EVI5: variants seen among roughly 807,000 people sequenced by gnomAD.
EVI5 encodes ecotropic viral integration site 5 protein homolog.
Under a neutral mutation model 112.0 loss-of-function variants are expected in EVI5, and 73 were observed. That is an observed-to-expected ratio of 0.65 (90% CI 0.54 to 0.79). The LOEUF (loss-of-function observed/expected upper bound fraction) is 0.79. Ranked by LOEUF, EVI5 falls within the 30% of genes least tolerant of loss-of-function variation. The probability of loss-of-function intolerance (pLI) is 0.00; values close to 1 mark genes in which losing one functional copy is unlikely to be tolerated. For missense variants in EVI5, 900 were observed against 968.8 expected, an observed-to-expected ratio of 0.93 and a Z score of 0.94; for synonymous variants, 305 against 319.9, an observed-to-expected ratio of 0.95 and a Z score of 0.50.
intron 13 of EVI5, among the ~76,000 whole-genome samples, chr1:92,661,658 T>C (rs1183232176): frequency 1.3e-5 from 2 of 152,008 alleles, no homozygotes; most frequent in Non-Finnish European, 2.9e-5. Context: ...ATTTTGTCAC[T>C]CTCCTATTCA....
intron 1 of EVI5, among the ~76,000 whole-genome samples, chr1:92,744,594 TCTCTCTCACACA>T (rs1402589290): frequency 0.016 from 2,175 of 133,896 alleles, 41 homozygotes; most frequent in African/African-American, 0.056. Context: ...TATCTCTCTC[TCTCTCTCACACA>T]CACACACACA....
At chr1:92,586,159 T>C (rs1672741856) in intron 18 of EVI5, among the ~76,000 whole-genome samples, 1 of 152,334 alleles carries the variant, frequency 6.6e-6, no homozygotes, top group South Asian at 2.1e-4. Context: ...TTATGACTGT[T>C]GATGGTAATC....
chr1:92,518,623 GA>G (rs1264053962), intron 19 of EVI5, among the ~76,000 whole-genome samples: 1 of 147,248 alleles, frequency 6.8e-6, no homozygotes, highest in Non-Finnish European at 1.5e-5. Flanking sequence ...GAGAAGCCGG[GA>G]AAAAACTCAG....
At chr1:92,588,646 A>G (rs1018108747) in intron 18 of EVI5, among the ~76,000 whole-genome samples, 3 of 152,212 alleles carry the variant, frequency 2.0e-5, no homozygotes, top group Non-Finnish European at 4.4e-5. Context: ...TTCTACCATA[A>G]AGCTCAATGA....
At chr1:92,579,283 G>A (rs1671568899) in intron 18 of EVI5, among the ~76,000 whole-genome samples, 1 of 152,048 alleles carries the variant, frequency 6.6e-6, no homozygotes, top group Admixed American at 6.6e-5. Flanking sequence ...CCTATGAAGA[G>A]TTTATTTTGC....
chr1:92,583,510 CAAAAAAAAAA>C (rs71091290), intron 18 of EVI5, among the ~76,000 whole-genome samples: 4 of 55,386 alleles, frequency 7.2e-5, no homozygotes, highest in African/African-American at 1.6e-4. Context: ...GGCTCTGTCT[CAAAAAAAAAA>C]AAAAAAAAAA....
rs189027679 is a variant in EVI5, at chr1:92,527,708, T to C, written c.2167-13738A>G. On this transcript the variant is annotated intron_variant, in intron 19 of 19. Transcript: ENST00000684568. The stretch of plus-strand genomic sequence containing the variant: ...CATCACACAATAGTTTTGTCTATTC[T>C]TGTATTTAATATAAAGGATTATATG... Among the ~76,000 whole-genome samples, 421 of 152,312 alleles carry C rather than the reference T, an allele frequency of 2.8e-3. 6 individuals carry two copies. Among genetic ancestry groups the C allele is most frequent in the African/African-American group, 9.8e-3 (408 of 41,570 alleles).
At position 92,508,779 on chromosome 1, in the gene EVI5, A is replaced by G. The variant is rs199778217; in HGVS notation, c.*4877T>C. ...GTTATCATACAATGTTACAATAAAA[A>G]ATTCCAATAGCAAAATGAAACACAT... On this transcript the variant is annotated 3_prime_UTR_variant, in exon 20 of 20. Transcript: ENST00000684568. The G allele has an allele frequency of 6.6e-6, 1 of 152,642 alleles. No individual in the cohort carries two copies. The highest frequency in any genetic ancestry group is 1.5e-5 in the Non-Finnish European group (1 of 68,040). 9.5% of individuals were successfully genotyped at this position (152,642 alleles called of 1,614,324 possible).
At chr1:92,733,087 C>G in intron 2 of EVI5, 1 of 219,136 alleles carries the variant, frequency 4.6e-6, no homozygotes, top group South Asian at 7.9e-5. Context: ...AAATTAACAG[C>G]TAAGAAATTA....
chr1:92,600,171 T>C (rs1024225647), intron 18 of EVI5, among the ~76,000 whole-genome samples: 6 of 152,194 alleles, frequency 3.9e-5, no homozygotes, highest in Admixed American at 2.0e-4. Flanking sequence ...TTTTGAAAGA[T>C]TGAAGAGTTG....
intron 19 of EVI5, among the ~76,000 whole-genome samples, chr1:92,543,268 T>C (rs1343896863): frequency 6.6e-6 from 1 of 152,254 alleles, no homozygotes. Flanking sequence ...ACTTGCTACT[T>C]CACCTTGTAC....
Position 92,566,042 on chromosome 1 carries a change from G to GTTAAC in EVI5, c.2071-2310_2071-2306dup, listed in dbSNP as rs1244830922. Among the ~76,000 whole-genome samples the GTTAAC allele has an allele frequency of 3.3e-5, 5 of 150,204 alleles. No homozygotes were observed. The East Asian group carries it at 7.8e-4, about 23-fold the overall frequency. Reference sequence around the variant, plus strand: ...CTTTCCAACAACACTGCTGTTCTGTGTTAACTGTCCTCCCTACCCAAATTG... The same window carrying GTTAAC: ...CTTTCCAACAACACTGCTGTTCTGTGTTAACTTAACTGTCCTCCCTACCCAAATTG... On this transcript the variant is annotated intron_variant, in intron 18 of 19. Coordinates refer to ENST00000684568, the MANE Select transcript of EVI5 (RefSeq NM_001350197.2).
chr1:92,527,429 A>AAAG (rs1553169687), intron 19 of EVI5, among the ~76,000 whole-genome samples: 7,416 of 134,672 alleles, frequency 0.055, 490 homozygotes, highest in African/African-American at 0.085. Flanking sequence ...AAAAAAAAAA[A>AAAG]AAAAGAAAAA....
rs566986526 is a variant in EVI5, at chr1:92,513,883, C to G, written c.2254G>C (p.Glu752Gln). 4.8e-5 allele frequency: 78 copies of G among 1,612,446 alleles called. No individual in the cohort carries two copies. The South Asian group carries it at 8.0e-4, about 17-fold the overall frequency. The change falls in exon 20 of 20, where the codon GAA (glutamate) becomes CAA (glutamine). Residue 752 changes from glutamate (E) to glutamine (Q), a missense_variant. Transcript: ENST00000684568. ...HIVNHLIGDD[E>Q]SFHSSDEDFI... ...TCTTCATCGGAGGAATGGAATGATT[C>G]ATCATCTCCTATTAAATGGTTGACA...
chr1:92,782,675 C>T (rs1685015855), intron 1 of EVI5, among the ~76,000 whole-genome samples: 1 of 152,088 alleles, frequency 6.6e-6, no homozygotes, highest in East Asian at 1.9e-4. Context: ...GGAAAATGTT[C>T]AACAATTTCT....
chr1:92,679,563 G>C (rs891522698), intron 9 of EVI5, among the ~76,000 whole-genome samples: 2 of 152,066 alleles, frequency 1.3e-5, no homozygotes, highest in African/African-American at 4.8e-5. Flanking sequence ...TTTACAAAAA[G>C]ATTGTGAAGA....
At chr1:92,576,525 G>A (rs943069708) in intron 18 of EVI5, among the ~76,000 whole-genome samples, 2 of 150,496 alleles carry the variant, frequency 1.3e-5, no homozygotes, top group Non-Finnish European at 3.0e-5. Flanking sequence ...TTGATAAAAT[G>A]TATCAAGAGA....
chr1:92,608,778 C>T (rs538112116), intron 16 of EVI5, among the ~76,000 whole-genome samples: 5 of 151,872 alleles, frequency 3.3e-5, no homozygotes, highest in South Asian at 2.1e-4. Context: ...TCACACAATA[C>T]GGCATATGTG....
At chr1:92,757,113 G>T (rs1181534889) in intron 1 of EVI5, among the ~76,000 whole-genome samples, 1 of 152,184 alleles carries the variant, frequency 6.6e-6, no homozygotes, top group Non-Finnish European at 1.5e-5. Context: ...CTTTCAATAT[G>T]CCATGAACAC....
Sources: gnomAD v4.1 joint callset for allele counts (sites outside exome capture counted in the v4.1 genomes callset) on GRCh38, gnomAD v4.1.1 for gene constraint, MANE v1.5 for transcripts, NCBI Gene and HGNC (gene_info 2026-07-23, HGNC 2026-07-21) for gene names.